Variants in TENM3 observed in about 807,000 individuals in gnomAD.
TENM3 encodes the protein teneurin transmembrane protein 3, also known as teneurin-3.
A neutral mutation model predicts 255.1 loss-of-function variants in TENM3; 63 were observed. That is an observed-to-expected ratio of 0.25 (90% CI 0.20 to 0.30). TENM3 has a LOEUF of 0.30. Ranked by LOEUF, TENM3 falls within the 10% of genes least tolerant of loss-of-function variation. The pLI, the probability that TENM3 is intolerant of heterozygous loss-of-function variation, is 1.00. For missense variants in TENM3, 2,929 were observed against 3,461.1 expected (o/e 0.85, Z 3.86); for synonymous variants, 1,306 against 1,322.3 (o/e 0.99, Z 0.27).
intron 22 of TENM3, among the ~76,000 whole-genome samples, chr4:182,763,289 G>A (rs764875490): frequency 4.6e-5 from 7 of 152,292 alleles, no homozygotes; most frequent in South Asian, 4.1e-4. Flanking sequence ...GGGGGCGGGC[G>A]CGGTGGCTCA....
chr4:182,375,389 C>A (rs17073195), intron 3 of TENM3, among the ~76,000 whole-genome samples: 3,129 of 152,186 alleles, frequency 0.021, 64 homozygotes, highest in South Asian at 0.044. Context: ...GAACTAGGCA[C>A]AATGTCACAA....
At chr4:182,747,438 A>G (rs1327884190) in intron 19 of TENM3, among the ~76,000 whole-genome samples, 1 of 152,232 alleles carries the variant, frequency 6.6e-6, no homozygotes, top group Non-Finnish European at 1.5e-5. Flanking sequence ...TGATCAACAT[A>G]TTAAACTTTT....
the TENM3 span, among the ~76,000 whole-genome samples, chr4:182,119,267 T>G: frequency 6.6e-6 from 1 of 152,150 alleles, no homozygotes; most frequent in African/African-American, 2.4e-5. Flanking sequence ...AAATGGCTCC[T>G]TTTCCTCTCT....
At chr4:182,796,545 G>A in intron 26 of TENM3, 92 bp from the exon 27 acceptor site, 1 of 1,207,892 alleles carries the variant, frequency 8.3e-7, no homozygotes, top group East Asian at 2.6e-5. Flanking sequence ...TATTAATTGT[G>A]AAATTGGATT....
chr4:182,159,447 AGTGTGTGTGTGTGTGTGTGTGTGTGT>A (rs67981646), intron 1 of TENM3, among the ~76,000 whole-genome samples: 1 of 130,722 alleles, frequency 7.6e-6, no homozygotes, highest in Non-Finnish European at 1.6e-5. Context: ...AGTGTGTATG[AGTGTGTGTGTGTGTGTGTGTGTGTGT>A]GTGTGTGTGT....
At chr4:181,920,770 G>A in the TENM3 span, among the ~76,000 whole-genome samples, 3 of 151,794 alleles carry the variant, frequency 2.0e-5, 1 homozygote, top group Admixed American at 1.3e-4. Context: ...GTCTTTTGTT[G>A]CCATTGCTTT....
At chr4:182,684,697 G>C (rs529922535) in intron 11 of TENM3, among the ~76,000 whole-genome samples, 4 of 152,234 alleles carry the variant, frequency 2.6e-5, no homozygotes, top group Middle Eastern at 3.4e-3. Flanking sequence ...TATGGTAGAA[G>C]TATTCTAAAG....
chr4:181,608,094 C>T, the TENM3 span, among the ~76,000 whole-genome samples: 127 of 152,214 alleles, frequency 8.3e-4, no homozygotes, highest in Admixed American at 1.2e-3. Context: ...TTGTTGTCAC[C>T]TTTGGATAGT....
intron 7 of TENM3, among the ~76,000 whole-genome samples, chr4:182,678,150 T>C (rs1437051222): frequency 1.3e-5 from 2 of 152,194 alleles, no homozygotes; most frequent in Non-Finnish European, 2.9e-5. Context: ...TTTTAACAAT[T>C]GTAATCTAAA....
the TENM3 span, among the ~76,000 whole-genome samples, chr4:181,789,338 C>A: frequency 6.6e-6 from 1 of 151,756 alleles, no homozygotes; most frequent in East Asian, 1.9e-4. Flanking sequence ...TCACTGCAAC[C>A]TCCACCTCCC....
chr4:181,791,965 T>C, the TENM3 span, among the ~76,000 whole-genome samples: 1 of 152,234 alleles, frequency 6.6e-6, no homozygotes, highest in East Asian at 1.9e-4. Context: ...TTAGGACATG[T>C]GAACAGAAAT....
chr4:182,786,556 T>A (rs113976507), intron 24 of TENM3, among the ~76,000 whole-genome samples: 3,428 of 71,074 alleles, frequency 0.048, 156 homozygotes, highest in African/African-American at 0.18. Flanking sequence ...GACCCCGTCT[T>A]AAAAAAAAAA....
intron 13 of TENM3, among the ~76,000 whole-genome samples, chr4:182,717,644 A>G (rs958567908): frequency 6.6e-6 from 1 of 152,224 alleles, no homozygotes; most frequent in Non-Finnish European, 1.5e-5. Flanking sequence ...ATCAGAAACA[A>G]TGCTCACTGG....
At chr4:181,473,264 C>A in the TENM3 span, among the ~76,000 whole-genome samples, 2 of 152,012 alleles carry the variant, frequency 1.3e-5, no homozygotes, top group Admixed American at 1.3e-4. Flanking sequence ...TTTTCACAGA[C>A]ACCTCTGGCT....
At chr4:182,552,239 T>G (rs1446464649) in intron 3 of TENM3, among the ~76,000 whole-genome samples, 1 of 152,016 alleles carries the variant, frequency 6.6e-6, no homozygotes. Flanking sequence ...AGTTCAAGAC[T>G]AGCCTGGGCA....
chr4:181,646,954 G>C, the TENM3 span, among the ~76,000 whole-genome samples: 1 of 152,186 alleles, frequency 6.6e-6, no homozygotes, highest in Non-Finnish European at 1.5e-5. Context: ...TGGATTAAAT[G>C]GACAGGGGAA....
chr4:182,020,012 T>C, the TENM3 span, among the ~76,000 whole-genome samples: 10 of 152,114 alleles, frequency 6.6e-5, no homozygotes, highest in Non-Finnish European at 1.2e-4. Flanking sequence ...TCAGTCTTCA[T>C]GGGAGCCAAC....
At chr4:182,229,572 G>C (rs982363968) in intron 1 of TENM3, among the ~76,000 whole-genome samples, 1 of 151,846 alleles carries the variant, frequency 6.6e-6, no homozygotes, top group African/African-American at 2.4e-5. Flanking sequence ...TCAAAATGCA[G>C]CAATATGACC....
chr4:182,668,882 T>C (rs1754953769), intron 6 of TENM3, among the ~76,000 whole-genome samples: 2 of 152,166 alleles, frequency 1.3e-5, no homozygotes, highest in African/African-American at 4.8e-5. Context: ...ATTCTGAAAT[T>C]GGCACCAGTT....
Sources: gnomAD v4.1 joint callset for allele counts (sites outside exome capture counted in the v4.1 genomes callset) on GRCh38, gnomAD v4.1.1 for gene constraint, MANE v1.5 for transcripts, NCBI Gene and HGNC (gene_info 2026-07-23, HGNC 2026-07-21) for gene names.